Variants in MAGI3 observed in about 807,000 individuals in gnomAD.
MAGI3 encodes membrane-associated guanylate kinase, WW and PDZ domain-containing protein 3.
MAGI3 carries 43 observed loss-of-function variants against 121.8 expected under a neutral mutation model. That is an observed-to-expected ratio of 0.35 (90% CI 0.28 to 0.46). The LOEUF (loss-of-function observed/expected upper bound fraction) is 0.46. Among genes scored for constraint, MAGI3 ranks in the 20% least tolerant of loss-of-function variants. The pLI, the probability that MAGI3 is intolerant of heterozygous loss-of-function variation, is 1.00. For missense variants in MAGI3, 1,547 were observed against 1,797.3 expected, an observed-to-expected ratio of 0.86 and a Z score of 2.52; for synonymous variants, 553 against 639.3, an observed-to-expected ratio of 0.86 and a Z score of 2.04.
chr1:113,530,473 G>A lies in MAGI3; in HGVS notation c.317-19042G>A, dbSNP rs549239059. On this transcript the variant is annotated intron_variant, in intron 1 of 20. Coordinates refer to ENST00000307546, the MANE Select transcript of MAGI3 (RefSeq NM_001142782.2). ...GGGTAGAGGGTGGGAGGAGGGAGAGGATTAAAAAAAATACCTGTTGGGCAC... is the reference window on the plus strand; with the variant it reads ...GGGTAGAGGGTGGGAGGAGGGAGAGAATTAAAAAAAATACCTGTTGGGCAC... Among the ~76,000 whole-genome samples, 9 of 151,792 alleles carry A rather than the reference G, an allele frequency of 5.9e-5. No individual in the cohort carries two copies. In the East Asian group the frequency reaches 1.7e-3, roughly 29 times the overall value.
At chr1:113,640,232 A>G (rs1652369773) in intron 9 of MAGI3, among the ~76,000 whole-genome samples, 1 of 152,202 alleles carries the variant, frequency 6.6e-6, no homozygotes, top group Non-Finnish European at 1.5e-5. Context: ...AAGAAACAAT[A>G]GATGCTGGCA....
At chr1:113,638,846 C>G (rs1295387321) in intron 9 of MAGI3, among the ~76,000 whole-genome samples, 1 of 152,250 alleles carries the variant, frequency 6.6e-6, no homozygotes, top group African/African-American at 2.4e-5. Flanking sequence ...GTGGAGCCTA[C>G]AGAGGCAGGC....
intron 16 of MAGI3, among the ~76,000 whole-genome samples, chr1:113,669,262 T>C (rs770143944): frequency 7.9e-5 from 12 of 152,356 alleles, no homozygotes; most frequent in East Asian, 1.9e-4. Context: ...GAAGAACTTA[T>C]GGAAATTTCT....
At chr1:113,489,064 T>TGA in intron 1 of MAGI3, among the ~76,000 whole-genome samples, 1 of 152,196 alleles carries the variant, frequency 6.6e-6, no homozygotes, top group African/African-American at 2.4e-5. Flanking sequence ...CCACTGCTGC[T>TGA]GGCACATGCA....
chr1:113,542,765 GCACACACACAAA>G (rs1659348757), intron 1 of MAGI3, among the ~76,000 whole-genome samples: 1 of 152,098 alleles, frequency 6.6e-6, no homozygotes, highest in South Asian at 2.1e-4. Flanking sequence ...ATACGCGTGT[GCACACACACAAA>G]CACACAGAGA....
At chr1:113,634,484 C>A (rs377554264) in intron 9 of MAGI3, among the ~76,000 whole-genome samples, 13 of 152,118 alleles carry the variant, frequency 8.5e-5, no homozygotes, top group Non-Finnish European at 1.5e-4. Flanking sequence ...CCATTTATTA[C>A]ATAGGGAATC....
intron 3 of MAGI3, among the ~76,000 whole-genome samples, chr1:113,583,806 G>A (rs184681407): frequency 8.5e-5 from 13 of 152,264 alleles, no homozygotes; most frequent in Non-Finnish European, 1.2e-4. Flanking sequence ...TGTATGACTG[G>A]AGTAACTCCA....
At chr1:113,474,489 C>T (rs1655707334) in intron 1 of MAGI3, among the ~76,000 whole-genome samples, 1 of 152,128 alleles carries the variant, frequency 6.6e-6, no homozygotes, top group African/African-American at 2.4e-5. Context: ...TATGGCTAGC[C>T]AGTTTTCCCA....
In MAGI3 at chr1:113,585,550, GGAA is replaced by G. The variant is rs746990466; in HGVS notation, c.723_725del (p.Glu241del). On this transcript the variant is annotated inframe_deletion, in exon 4 of 21. Transcript: ENST00000307546. ...GAATGGATAGCTCTCTTCCTGAAGAGGAAGAAGATGAGGACAAGGAAGCTATTA... is the reference window on the plus strand; with the variant it reads ...GAATGGATAGCTCTCTTCCTGAAGAGGAAGATGAGGACAAGGAAGCTATTA... The G allele has an allele frequency of 3.7e-6, 6 of 1,614,132 alleles. No homozygotes were observed. The South Asian group carries it at 4.4e-5, about 12-fold the overall frequency.
At chr1:113,400,892 C>A (rs1047099069) in intron 1 of MAGI3, among the ~76,000 whole-genome samples, 1 of 152,060 alleles carries the variant, frequency 6.6e-6, no homozygotes, top group Non-Finnish European at 1.5e-5. Context: ...CTTCAGCCTC[C>A]CTTGGGTGAC....
intron 5 of MAGI3, among the ~76,000 whole-genome samples, chr1:113,593,038 G>T (rs901140415): frequency 2.0e-5 from 3 of 151,898 alleles, no homozygotes; most frequent in African/African-American, 7.2e-5. Context: ...ACAAAAAAGT[G>T]TTTCTATCAC....
chr1:113,465,907 T>G (rs1041944537), intron 1 of MAGI3, among the ~76,000 whole-genome samples: 5 of 152,132 alleles, frequency 3.3e-5, no homozygotes, highest in African/African-American at 4.8e-5. Context: ...GGTAGAATCT[T>G]TAGGTTTTTC....
intron 1 of MAGI3, among the ~76,000 whole-genome samples, chr1:113,425,079 A>ATTCCGGCC (rs1652928696): frequency 6.6e-6 from 1 of 151,800 alleles, no homozygotes; most frequent in African/African-American, 2.4e-5. Flanking sequence ...GAATCACTTG[A>ATTCCGGCC]ACCTGGGAGA....
chr1:113,455,957 C>G (rs548060175), intron 1 of MAGI3, among the ~76,000 whole-genome samples: 1 of 146,666 alleles, frequency 6.8e-6, no homozygotes, highest in Non-Finnish European at 1.5e-5. Context: ...TTTTCTCTCT[C>G]TTTTTTTTTT....
intron 15 of MAGI3, among the ~76,000 whole-genome samples, chr1:113,656,252 T>C (rs1653462867): frequency 6.6e-6 from 1 of 152,126 alleles, no homozygotes; most frequent in African/African-American, 2.4e-5. Flanking sequence ...ATTTTTCACA[T>C]ATAGACAGAA....
At chr1:113,474,498 C>T (rs1458560541) in intron 1 of MAGI3, among the ~76,000 whole-genome samples, 2 of 152,152 alleles carry the variant, frequency 1.3e-5, no homozygotes, top group Non-Finnish European at 2.9e-5. Flanking sequence ...CCAGTTTTCC[C>T]AGCACCATTT....
rs780901997 is a variant in MAGI3, at chr1:113,649,328, TGTAA to T, written c.2247+3_2247+6del. On this transcript the variant is annotated splice_donor_variant and splice_donor_region_variant and intron_variant, in intron 13 of 20. Transcript: ENST00000307546. LOFTEE classifies it high-confidence loss of function. ...TAGGAGGAGATGGACCTGACCAGTCTGTAAGTGTCACTTCTTTGGAACATGGCTG... is the reference window on the plus strand; with the variant it reads ...TAGGAGGAGATGGACCTGACCAGTCTGTGTCACTTCTTTGGAACATGGCTG... 1.3e-6 allele frequency: 2 copies of T among 1,598,796 alleles called. No homozygotes were observed. Among genetic ancestry groups the T allele is most frequent in the South Asian group, 1.1e-5 (1 of 88,124 alleles).
chr1:113,683,957 G>T lies in MAGI3; in HGVS notation c.4389G>T (p.Lys1463Asn). 6.2e-7 allele frequency: 1 copy of T among 1,601,572 alleles called. No homozygotes were observed. Among genetic ancestry groups the T allele is most frequent in the Non-Finnish European group, 8.5e-7 (1 of 1,175,494 alleles). The change falls in exon 21 of 21, where the codon AAG becomes AAT. Residue 1463 changes from lysine to asparagine, a missense_variant. Coordinates refer to ENST00000307546, the MANE Select transcript of MAGI3 (RefSeq NM_001142782.2). ...CACTGATAACTCCAGGGCCCTGGAA[G>T]GTTCCAAGTGGAAATAAAGTCACAG... ...KKTLITPGPW[K>N]VPSGNKVTGT...
rs1196380894 is a variant in MAGI3 at position 113,646,477 on chromosome 1, C to T, written c.1999-9C>T. ...AAAAAATACTAAGTAAGGCTCTTTT[C>T]CATTTCAGAAAACAGATAAAAAGGA... is the stretch of plus-strand genomic sequence containing the variant. On this transcript the variant is annotated splice_polypyrimidine_tract_variant and intron_variant, in intron 11 of 20. Transcript: ENST00000307546. The T allele has an allele frequency of 4.4e-6, 7 of 1,582,316 alleles. No homozygotes were observed. The highest frequency in any genetic ancestry group is 8.6e-7 in the Non-Finnish European group (1 of 1,168,274).
Sources: allele counts gnomAD v4.1 joint callset (sites outside exome capture counted in the v4.1 genomes callset), GRCh38; gene constraint gnomAD v4.1.1; transcripts MANE v1.5; gene names NCBI Gene and HGNC (gene_info 2026-07-23, HGNC 2026-07-21).